Variants in TGFBI observed in about 807,000 individuals in gnomAD.
TGFBI encodes the protein transforming growth factor-beta-induced protein ig-h3.
In TGFBI, 50 loss-of-function variants were observed where a neutral mutation model predicts 73.7. That is an observed-to-expected ratio of 0.68 (90% CI 0.54 to 0.86). The LOEUF (loss-of-function observed/expected upper bound fraction) is 0.86, where lower values mean the gene tolerates loss of function less well. Ranked by LOEUF, TGFBI falls within the 40% of genes least tolerant of loss-of-function variation. The pLI, the probability that TGFBI is intolerant of heterozygous loss-of-function variation, is 0.00. For synonymous variants in TGFBI, 362 were observed against 360.5 expected (o/e 1.00, Z -0.05); for missense variants, 839 against 877.0 (o/e 0.96, Z 0.55).
At chr5:136,044,615 A>C (rs923996310) in intron 3 of TGFBI, among the ~76,000 whole-genome samples, 5 of 152,234 alleles carry the variant, frequency 3.3e-5, no homozygotes, top group Non-Finnish European at 5.9e-5. Context: ...TAGGGAGAAG[A>C]GCCATAGGCC....
chr5:136,062,542 C>A, intron 15 of TGFBI, 121 bp from the exon 16 acceptor site: 1 of 1,031,096 alleles, frequency 9.7e-7, no homozygotes, highest in South Asian at 1.4e-5. Context: ...CCACCTTCCC[C>A]TTCCTCTTCC....
At chr5:136,045,602 A>T (rs7702780) in intron 3 of TGFBI, 7,739 of 152,140 alleles carry the variant, frequency 0.051, 425 homozygotes, top group African/African-American at 0.13. Flanking sequence ...AACAGGAAGG[A>T]GGGCAATTTG....
intron 14 of TGFBI, 24 bp from the exon 15 acceptor site, chr5:136,061,476 A>G (rs757748944): frequency 1.3e-6 from 2 of 1,571,846 alleles, no homozygotes; most frequent in African/African-American, 1.3e-5. Context: ...CTCTGGTCAA[A>G]CCTGCCTTTT....
intron 10 of TGFBI, 63 bp downstream of exon 10, chr5:136,054,924 T>TA (rs772583461): frequency 1.1e-4 from 174 of 1,527,626 alleles, no homozygotes; most frequent in East Asian, 2.1e-4. Context: ...TGTATTAGTG[T>TA]AAAAAAAAAT....
intron 10 of TGFBI, chr5:136,055,262 C>T: frequency 4.6e-6 from 1 of 215,822 alleles, no homozygotes; most frequent in Non-Finnish European, 9.2e-6. Flanking sequence ...GTTTTCAAAC[C>T]CAACAGTTAC....
intron 2 of TGFBI, among the ~76,000 whole-genome samples, chr5:136,040,150 G>A (rs890150374): frequency 2.6e-5 from 4 of 152,214 alleles, no homozygotes; most frequent in Non-Finnish European, 4.4e-5. Context: ...AGAAAACTCA[G>A]TACTTCTCTC....
At chr5:136,044,845 G>A (rs768324634) in intron 3 of TGFBI, 2 of 152,240 alleles carry the variant, frequency 1.3e-5, no homozygotes, top group Non-Finnish European at 2.9e-5. Flanking sequence ...CATATCCTCA[G>A]ATGTTCAAGT....
Position 136,029,085 on chromosome 5 carries a change from C to CGCCCTGGCTCTG in TGFBI, c.38_49dup (p.Ala13_Leu16dup), listed in dbSNP as rs751354896. 1 of 1,527,710 alleles carries CGCCCTGGCTCTG rather than the reference C, an allele frequency of 6.5e-7. No individual in the cohort carries two copies. The highest frequency in any genetic ancestry group is 1.2e-5 in the South Asian group (1 of 83,268). 94.6% of individuals were successfully genotyped at this position (1,527,710 alleles called of 1,614,324 possible). On this transcript the variant is annotated inframe_insertion, in exon 1 of 17. Transcript: ENST00000442011. ...CGCTCTTCGTGCGGCTGCTGGCTCT[C>CGCCCTGGCTCTG]GCCCTGGCTCTGGCCCTGGGCCCCG...
chr5:136,062,663 G>T lies in TGFBI; in HGVS notation c.1987G>T (p.Ala663Ser). 1 of 1,565,536 alleles carries T rather than the reference G, an allele frequency of 6.4e-7. No homozygotes were observed. Among genetic ancestry groups the T allele is most frequent in the South Asian group, 1.2e-5 (1 of 84,972 alleles). ...CCTGACACCTTGTGTTTTCTTTCAGGCTTCCCAGAGGTCTGTGCGACTAGG... is the reference window on the plus strand; with the variant it reads ...CCTGACACCTTGTGTTTTCTTTCAGTCTTCCCAGAGGTCTGTGCGACTAGG... Reference protein sequence around the residue: ...IFKQASAFSRASQRSVRLAPV... With the variant: ...IFKQASAFSRSSQRSVRLAPV... The change falls in exon 16 of 17, where the codon GCT (alanine) becomes TCT (serine). Residue 663 changes from alanine to serine, a missense_variant and splice_region_variant. By Grantham distance (99) the Ala-to-Ser change is moderately conservative. Coordinates refer to ENST00000442011, the MANE Select transcript of TGFBI (RefSeq NM_000358.3).
chr5:136,041,406 G>A (rs1256156017), intron 2 of TGFBI, among the ~76,000 whole-genome samples: 1 of 152,220 alleles, frequency 6.6e-6, no homozygotes, highest in Non-Finnish European at 1.5e-5. Context: ...GGTGCTGAAA[G>A]ACCACATGGA....
chr5:136,047,270 G>A lies in TGFBI; in HGVS notation c.625-4G>A, dbSNP rs766754054. On this transcript the variant is annotated splice_region_variant and splice_polypyrimidine_tract_variant and intron_variant, in intron 5 of 16. Coordinates refer to ENST00000442011, the MANE Select transcript of TGFBI (RefSeq NM_000358.3). ...CTGCTCATCCTTGCTGCTTCTCTGG[G>A]CAGATTGTAACTGTGAACTGTGCCC... 4 of 1,613,674 alleles carry A rather than the reference G, an allele frequency of 2.5e-6. No homozygotes were observed. Among genetic ancestry groups the A allele is most frequent in the Non-Finnish European group, 2.5e-6 (3 of 1,179,770 alleles).
At chr5:136,061,458 T>C in intron 14 of TGFBI, 42 bp from the exon 15 acceptor site, 2 of 1,430,782 alleles carry the variant, frequency 1.4e-6, no homozygotes, top group South Asian at 2.4e-5. Context: ...GACATGCTAA[T>C]GGTTTCACTC....
At chr5:136,059,993 C>A (rs1416363106) in intron 13 of TGFBI, among the ~76,000 whole-genome samples, 3 of 152,220 alleles carry the variant, frequency 2.0e-5, no homozygotes, top group Non-Finnish European at 2.9e-5. Flanking sequence ...TGCCTCCTAC[C>A]CCCTTGAGTT....
chr5:136,033,981 G>A lies in TGFBI; in HGVS notation c.233+120G>A, dbSNP rs561996802. ...TAAAAAGCCATGAAGATGCATGTGC[G>A]AACATGTCTGGGACCTGCGTGCTAG... On this transcript the variant is annotated intron_variant, in intron 2 of 16. Coordinates refer to ENST00000442011, the MANE Select transcript of TGFBI (RefSeq NM_000358.3). 6.0e-6 allele frequency: 5 copies of A among 827,902 alleles called. No homozygotes were observed. In the East Asian group the frequency reaches 8.0e-5, roughly 13 times the overall value. 51.3% of individuals were successfully genotyped at this position (827,902 alleles called of 1,614,324 possible).
intron 2 of TGFBI, among the ~76,000 whole-genome samples, chr5:136,042,688 G>T (rs1002875372): frequency 5.3e-5 from 8 of 151,974 alleles, no homozygotes; most frequent in African/African-American, 1.5e-4. Context: ...AAAAAAGAAT[G>T]TGCATAGCTT....
At position 136,055,626 on chromosome 5, in the gene TGFBI, G is replaced by A. The variant is rs977952768; in HGVS notation, c.1411-54G>A. On this transcript the variant is annotated intron_variant, in intron 10 of 16. Coordinates refer to ENST00000442011, the MANE Select transcript of TGFBI (RefSeq NM_000358.3). The stretch of plus-strand genomic sequence containing the variant: ...CTACATGCTCTGAACAAATCAGGAG[G>A]CCCCTCGTGGAAGTATAACCAGTCC... 10 of 1,481,710 alleles carry A rather than the reference G, an allele frequency of 6.7e-6. No individual in the cohort carries two copies. In the East Asian group the frequency reaches 1.9e-4, roughly 28 times the overall value. 91.8% of individuals were successfully genotyped at this position (1,481,710 alleles called of 1,614,324 possible). A position where few individuals can be genotyped will look rare whatever the true frequency, so the allele number is the denominator to read the frequency against.
intron 2 of TGFBI, among the ~76,000 whole-genome samples, chr5:136,038,444 T>C (rs548423346): frequency 1.1e-3 from 160 of 151,712 alleles, no homozygotes; most frequent in Non-Finnish European, 1.8e-3. Context: ...AGGCTGTGCC[T>C]GGTGGTTCAC....
At chr5:136,061,215 C>G in intron 14 of TGFBI, 1 of 572,540 alleles carries the variant, frequency 1.7e-6, no homozygotes, top group South Asian at 2.1e-5. Flanking sequence ...GGATGCTGTC[C>G]GCGCGATTCC....
chr5:136,036,094 G>A (rs1403281911), intron 2 of TGFBI, among the ~76,000 whole-genome samples: 1 of 152,216 alleles, frequency 6.6e-6, no homozygotes, highest in Non-Finnish European at 1.5e-5. Flanking sequence ...TTGCCAAAAT[G>A]TTCCTGATGA....
Sources: allele counts gnomAD v4.1 joint callset (sites outside exome capture counted in the v4.1 genomes callset), GRCh38; gene constraint gnomAD v4.1.1; transcripts MANE v1.5; gene names NCBI Gene and HGNC (gene_info 2026-07-23, HGNC 2026-07-21).